The following PCDH7 variants were observed in gnomAD, a reference collection of about 807,000 sequenced individuals.
The protein encoded by PCDH7 is protocadherin 7.
PCDH7 carries 17 observed loss-of-function variants against 58.9 expected under a neutral mutation model. That is an observed-to-expected ratio of 0.29 (90% CI 0.20 to 0.43). PCDH7 has a LOEUF of 0.43. Ranked by LOEUF, PCDH7 falls within the 20% of genes least tolerant of loss-of-function variation. The pLI, the probability that PCDH7 is intolerant of heterozygous loss-of-function variation, is 1.00. For missense variants in PCDH7, 1,274 were observed against 1,441.0 expected (o/e 0.88, Z 1.88); for synonymous variants, 664 against 616.4 (o/e 1.08, Z -1.14).
At chr4:31,041,578 C>G (rs1755862824) in intron 3 of PCDH7, among the ~76,000 whole-genome samples, 1 of 151,862 alleles carries the variant, frequency 6.6e-6, no homozygotes, top group South Asian at 2.1e-4. Flanking sequence ...TAAAGTTACC[C>G]CCCACCCCCT....
At chr4:31,102,768 A>G (rs2109302178) in intron 3 of PCDH7, among the ~76,000 whole-genome samples, 1 of 152,228 alleles carries the variant, frequency 6.6e-6, no homozygotes, top group Non-Finnish European at 1.5e-5. Context: ...GTATCTGTAC[A>G]CATAATTTGT....
intron 3 of PCDH7, among the ~76,000 whole-genome samples, chr4:30,977,439 A>G (rs180988980): frequency 6.6e-6 from 1 of 152,340 alleles, no homozygotes; most frequent in Admixed American, 6.5e-5. Context: ...TGTCAGAACG[A>G]GACCAACCTC....
intron 2 of PCDH7, among the ~76,000 whole-genome samples, chr4:30,933,588 G>T (rs921463685): frequency 2.6e-5 from 4 of 151,850 alleles, no homozygotes; most frequent in Non-Finnish European, 5.9e-5. Context: ...ATAGCTTTAG[G>T]CCTGCTTATA....
intron 2 of PCDH7, among the ~76,000 whole-genome samples, chr4:30,929,437 G>A: frequency 6.6e-6 from 1 of 152,030 alleles, no homozygotes; most frequent in East Asian, 1.9e-4. Context: ...TATCATGTAT[G>A]TCTTCTCATT....
intron 3 of PCDH7, among the ~76,000 whole-genome samples, chr4:31,123,787 A>G (rs1717962980): frequency 6.6e-6 from 1 of 152,190 alleles, no homozygotes; most frequent in South Asian, 2.1e-4. Flanking sequence ...GATTTTATGG[A>G]GCAATGGAAG....
chr4:30,857,652 A>T (rs905166238), intron 1 of PCDH7, among the ~76,000 whole-genome samples: 9 of 152,110 alleles, frequency 5.9e-5, no homozygotes, highest in Non-Finnish European at 1.3e-4. Flanking sequence ...AAGGAGCATC[A>T]ATACAACAAG....
At chr4:30,782,837 C>G (rs540767186) in intron 1 of PCDH7, among the ~76,000 whole-genome samples, 31 of 152,218 alleles carry the variant, frequency 2.0e-4, no homozygotes, top group Non-Finnish European at 4.3e-4. Context: ...AAGGATGTTC[C>G]TTTCCTTCGA....
At chr4:30,880,581 A>C (rs894434832) in intron 1 of PCDH7, among the ~76,000 whole-genome samples, 1 of 150,352 alleles carries the variant, frequency 6.7e-6, no homozygotes, top group African/African-American at 2.5e-5. Context: ...ACCTGAAGCA[A>C]ACAAAACAAA....
intron 3 of PCDH7, among the ~76,000 whole-genome samples, chr4:31,009,513 G>C (rs181515978): frequency 1.2e-3 from 182 of 152,116 alleles, no homozygotes; most frequent in African/African-American, 4.1e-3. Flanking sequence ...TACCAACACT[G>C]TGGTAGCAAG....
In PCDH7 at chr4:30,721,938, C is replaced by A. The variant is rs544156156; in HGVS notation, c.516C>A (p.Phe172Leu). The A allele has an allele frequency of 1.3e-6, 2 of 1,558,652 alleles. No homozygotes were observed. The highest frequency in any genetic ancestry group is 1.7e-6 in the Non-Finnish European group (2 of 1,158,108). ...TGCCCACAGCCACCGACCGCGACTT[C>A]GGCCGCAACGGCATCGAGCGCTACG... Residue 172 changes from phenylalanine to leucine, a missense_variant, in exon 1 of 2, where the codon TTC becomes TTA. This residue lies in a region of PCDH7 where 212 missense variants were observed against 255.8 expected (regional missense o/e 0.83). Transcript: ENST00000361762. The surrounding 1 kb of genome is among the most constrained non-coding windows in gnomAD (Gnocchi z 6.7).
chr4:31,014,251 C>A (rs1753438094), intron 3 of PCDH7, among the ~76,000 whole-genome samples: 1 of 151,736 alleles, frequency 6.6e-6, no homozygotes, highest in African/African-American at 2.4e-5. Context: ...TGGAATGCTG[C>A]CATTAAAGAA....
chr4:30,964,242 A>ATTTTT, intron 3 of PCDH7, among the ~76,000 whole-genome samples: 1 of 48,412 alleles, frequency 2.1e-5, no homozygotes, highest in East Asian at 6.0e-4. Context: ...TTATTTATTT[A>ATTTTT]TTTATTTATT....
At chr4:31,003,962 T>G (rs1040118722) in intron 3 of PCDH7, among the ~76,000 whole-genome samples, 2 of 152,174 alleles carry the variant, frequency 1.3e-5, no homozygotes, top group Non-Finnish European at 2.9e-5. Context: ...TGTACAGACC[T>G]GACATCAGCA....
At chr4:31,113,541 GA>G (rs1716592375) in intron 3 of PCDH7, among the ~76,000 whole-genome samples, 1 of 152,048 alleles carries the variant, frequency 6.6e-6, no homozygotes, top group African/African-American at 2.4e-5. Flanking sequence ...AGCTAAAACT[GA>G]GGTATTTTAT....
chr4:31,117,754 G>C (rs1230672526), intron 3 of PCDH7, among the ~76,000 whole-genome samples: 1 of 152,080 alleles, frequency 6.6e-6, no homozygotes, highest in Non-Finnish European at 1.5e-5. Flanking sequence ...ATTTTTATCT[G>C]TCATCCAATA....
chr4:31,038,587 T>A (rs979648495), intron 3 of PCDH7, among the ~76,000 whole-genome samples: 1 of 152,184 alleles, frequency 6.6e-6, no homozygotes, highest in Non-Finnish European at 1.5e-5. Flanking sequence ...TATTTTATAT[T>A]TTTCATTTGT....
chr4:31,130,756 G>A (rs903598040), intron 3 of PCDH7, among the ~76,000 whole-genome samples: 4 of 152,064 alleles, frequency 2.6e-5, no homozygotes, highest in Admixed American at 1.3e-4. Context: ...TTCAAAGCTG[G>A]CAATGACAAG....
chr4:31,132,219 T>A (rs16884392), intron 3 of PCDH7, among the ~76,000 whole-genome samples: 3,446 of 152,244 alleles, frequency 0.023, 124 homozygotes, highest in African/African-American at 0.079. Context: ...TGCTTTATCA[T>A]GGTTTATATG....
intron 3 of PCDH7, among the ~76,000 whole-genome samples, chr4:31,060,436 G>A (rs565354211): frequency 5.3e-5 from 8 of 151,668 alleles, no homozygotes; most frequent in Non-Finnish European, 1.0e-4. Context: ...CCTCATTGCC[G>A]TATTGTTTGA....
Sources: gnomAD v4.1 joint callset for allele counts (sites outside exome capture counted in the v4.1 genomes callset) on GRCh38, gnomAD v4.1.1 for gene constraint, gnomAD v4.1.1 regional missense constraint, Gnocchi (gnomAD v3.1) non-coding constraint, MANE v1.5 for transcripts, NCBI Gene and HGNC (gene_info 2026-07-23, HGNC 2026-07-21) for gene names.